The following ARIH2 variants were observed in gnomAD, a reference collection of about 807,000 sequenced individuals.
ARIH2 encodes the protein E3 ubiquitin-protein ligase ARIH2.
A neutral mutation model predicts 79.8 loss-of-function variants in ARIH2; 12 were observed. That is an observed-to-expected ratio of 0.15 (90% confidence interval 0.10 to 0.24). ARIH2 has a LOEUF of 0.24. Among genes scored for constraint, ARIH2 ranks in the 10% least tolerant of loss-of-function variants. The pLI, the probability that ARIH2 is intolerant of heterozygous loss-of-function variation, is 1.00. For synonymous variants in ARIH2, 224 were observed against 213.9 expected, an observed-to-expected ratio of 1.05 and a Z score of -0.41; for missense variants, 301 against 618.3, an observed-to-expected ratio of 0.49 and a Z score of 5.44.
rs143662924 is a variant in ARIH2, at chr3:48,933,711, G to A, written c.255+5898G>A. Among the ~76,000 whole-genome samples, 126 of 151,454 alleles carry A rather than the reference G, an allele frequency of 8.3e-4. 2 individuals are homozygous for A. The East Asian group carries it at 0.021, about 25-fold the overall frequency. ...ACTACAGGTGCCCGCCACCACACCCGGCTAAATTTTTTTGTATTTTTAGTA... is the reference window on the plus strand; with the variant it reads ...ACTACAGGTGCCCGCCACCACACCCAGCTAAATTTTTTTGTATTTTTAGTA... On this transcript the variant is annotated intron_variant, in intron 3 of 15. Coordinates refer to ENST00000356401, the MANE Select transcript of ARIH2 (RefSeq NM_006321.4).
At chr3:48,975,002 A>G (rs766561757) in intron 11 of ARIH2, 23 bp downstream of exon 11, 1 of 1,614,216 alleles carries the variant, frequency 6.2e-7, no homozygotes, top group South Asian at 1.1e-5. Flanking sequence ...CTTGGTGTGT[A>G]AGGCCCAGTG....
chr3:48,922,305 A>ACTTT (rs1315620201), intron 1 of ARIH2: 1 of 151,234 alleles, frequency 6.6e-6, no homozygotes, highest in East Asian at 1.9e-4. Flanking sequence ...TACTTAGATT[A>ACTTT]CTTTCTTTTT....
At chr3:48,924,164 C>A (rs953487828) in intron 2 of ARIH2, among the ~76,000 whole-genome samples, 3 of 151,888 alleles carry the variant, frequency 2.0e-5, no homozygotes, top group Non-Finnish European at 2.9e-5. Context: ...GTTACAAATT[C>A]TTTTTCCTTT....
At chr3:48,942,825 A>G (rs530040191) in intron 3 of ARIH2, among the ~76,000 whole-genome samples, 2 of 151,740 alleles carry the variant, frequency 1.3e-5, no homozygotes, top group East Asian at 3.9e-4. Flanking sequence ...CTAATTTTGT[A>G]TTTTTAGTAG....
intron 9 of ARIH2, 89 bp downstream of exon 9, chr3:48,973,905 T>C: frequency 9.9e-7 from 1 of 1,009,334 alleles, no homozygotes. Context: ...GAGAGCAGAA[T>C]ACCCAGAGCC....
intron 1 of ARIH2, chr3:48,921,427 A>ATT (rs1412421802): frequency 7.4e-6 from 1 of 135,108 alleles, no homozygotes. Flanking sequence ...CCTGTGGGCA[A>ATT]TTTCTTTTTT....
chr3:48,939,142 A>G (rs186407426), intron 3 of ARIH2, among the ~76,000 whole-genome samples: 38 of 151,928 alleles, frequency 2.5e-4, no homozygotes, highest in African/African-American at 8.4e-4. Context: ...TAATTTTTGT[A>G]TTTTAAGTAG....
At chr3:48,959,287 G>C (rs2090980490) in intron 3 of ARIH2, among the ~76,000 whole-genome samples, 1 of 148,624 alleles carries the variant, frequency 6.7e-6, no homozygotes, top group African/African-American at 2.5e-5. Flanking sequence ...CTGCACTCCA[G>C]CCTGGGTAAT....
chr3:48,976,361 C>T (rs1012857173), intron 11 of ARIH2, among the ~76,000 whole-genome samples: 3 of 152,020 alleles, frequency 2.0e-5, no homozygotes, highest in Non-Finnish European at 4.4e-5. Context: ...CAGGCGCCCA[C>T]CACCACACCT....
chr3:48,955,104 A>T (rs1409039241), intron 3 of ARIH2, among the ~76,000 whole-genome samples: 1 of 152,214 alleles, frequency 6.6e-6, no homozygotes, highest in Non-Finnish European at 1.5e-5. Context: ...AGGCTGAGGC[A>T]GGAGAATCAC....
intron 7 of ARIH2, among the ~76,000 whole-genome samples, chr3:48,969,496 T>C (rs1327603967): frequency 6.6e-6 from 1 of 151,834 alleles, no homozygotes; most frequent in Non-Finnish European, 1.5e-5. Flanking sequence ...TTCTTCTTTT[T>C]TTTTTTTGGA....
At chr3:48,933,236 GT>G (rs1327619562) in intron 3 of ARIH2, among the ~76,000 whole-genome samples, 24 of 1,058 alleles carry the variant, frequency 0.023, no homozygotes, top group South Asian at 0.036. Flanking sequence ...ACATGCCCGG[GT>G]GTGTGTGTGT....
chr3:48,940,869 CA>C, intron 3 of ARIH2, among the ~76,000 whole-genome samples: 1 of 142,466 alleles, frequency 7.0e-6, no homozygotes, highest in Non-Finnish European at 1.5e-5. Flanking sequence ...TGGTGGCAAT[CA>C]AAAAATATAT....
rs558186361 is a variant in ARIH2 at position 48,948,204 on chromosome 3, G to A, written c.256-13408G>A. On this transcript the variant is annotated intron_variant, in intron 3 of 15. Coordinates refer to ENST00000356401, the MANE Select transcript of ARIH2 (RefSeq NM_006321.4). Reference sequence around the variant, plus strand: ...TCTCGATCTCCTGACCTTGTGATCCGCCCGCCTCGGCCTCCTAAAGTGCTG... The same window carrying A: ...TCTCGATCTCCTGACCTTGTGATCCACCCGCCTCGGCCTCCTAAAGTGCTG... Among the ~76,000 whole-genome samples the A allele has an allele frequency of 2.6e-5, 4 of 151,962 alleles. No homozygotes were observed. The South Asian group carries it at 8.3e-4, about 32-fold the overall frequency.
intron 4 of ARIH2, among the ~76,000 whole-genome samples, chr3:48,964,217 G>A (rs943476480): frequency 6.6e-6 from 1 of 151,960 alleles, no homozygotes; most frequent in Non-Finnish European, 1.5e-5. Context: ...ATATTGGCCA[G>A]GTTGGTCTCA....
intron 2 of ARIH2, 134 bp from the exon 3 acceptor site, chr3:48,927,328 C>A: frequency 2.0e-6 from 1 of 507,188 alleles, no homozygotes; most frequent in South Asian, 2.3e-5. Context: ...AGTAAGATTC[C>A]CCATGTGATA....
intron 3 of ARIH2, among the ~76,000 whole-genome samples, chr3:48,933,062 A>G (rs1483708124): frequency 1.3e-5 from 2 of 152,222 alleles, no homozygotes; most frequent in Non-Finnish European, 2.9e-5. Context: ...TGTAAACTAT[A>G]GGAATAGGTT....
At chr3:48,962,585 C>T (rs140076098) in intron 4 of ARIH2, among the ~76,000 whole-genome samples, 1 of 152,238 alleles carries the variant, frequency 6.6e-6, no homozygotes, top group East Asian at 1.9e-4. Flanking sequence ...CCCTCGGAGG[C>T]GTGTGCCCCT....
intron 3 of ARIH2, chr3:48,948,962 G>C (rs1396725229): frequency 7.5e-6 from 3 of 397,566 alleles, no homozygotes; most frequent in African/African-American, 6.2e-5. Context: ...GTAAGTTGAG[G>C]GACATTGGGT....
Sources: allele counts gnomAD v4.1 joint callset (sites outside exome capture counted in the v4.1 genomes callset), GRCh38; gene constraint gnomAD v4.1.1; transcripts MANE v1.5; gene names NCBI Gene and HGNC (gene_info 2026-07-23, HGNC 2026-07-21).